The following LHFPL3 variants were observed in gnomAD, a reference collection of about 807,000 sequenced individuals.
The protein encoded by LHFPL3 is LHFPL tetraspan subfamily member 3 protein.
In LHFPL3, 5 loss-of-function variants were observed where a neutral mutation model predicts 19.3. The ratio of observed to expected loss-of-function variants is 0.26; its 90% CI spans 0.14 to 0.54. LHFPL3 has a LOEUF of 0.54. Among genes scored for constraint, LHFPL3 ranks in the 20% least tolerant of loss-of-function variants. The pLI is 0.94. For missense variants in LHFPL3, 249 were observed against 307.4 expected (o/e 0.81, Z 1.42); for synonymous variants, 133 against 126.2 (o/e 1.05, Z -0.36).
chr7:104,874,949 T>C (rs1472168475), intron 2 of LHFPL3, among the ~76,000 whole-genome samples: 1 of 151,868 alleles, frequency 6.6e-6, no homozygotes, highest in Non-Finnish European at 1.5e-5. Context: ...CAGGCTCAAG[T>C]GATCCTCCTG....
At chr7:104,845,507 T>C (rs1791297106) in intron 2 of LHFPL3, 1 of 1,488,648 alleles carries the variant, frequency 6.7e-7, no homozygotes, top group Non-Finnish European at 8.9e-7. Flanking sequence ...TTTTCTCCGC[T>C]GTTTTCTGAT....
chr7:104,643,262 G>C, intron 1 of LHFPL3, among the ~76,000 whole-genome samples: 1 of 152,094 alleles, frequency 6.6e-6, no homozygotes, highest in East Asian at 1.9e-4. Flanking sequence ...ATAAAAAAGG[G>C]ACATGGTAAA....
In LHFPL3 at chr7:104,604,362, A is replaced by T. The variant is rs142495994; in HGVS notation, c.446-132313A>T. Among the ~76,000 whole-genome samples the T allele has an allele frequency of 4.9e-3, 744 of 152,174 alleles. 6 individuals are homozygous for T. The highest frequency in any genetic ancestry group is 0.017 in the African/African-American group (700 of 41,526). ...AGGGCACCCTGGGCCTGTCCCCCAAAACTATTCTGCCCCGCTAGAGCTCTG... is the reference window on the plus strand; with the variant it reads ...AGGGCACCCTGGGCCTGTCCCCCAATACTATTCTGCCCCGCTAGAGCTCTG... On this transcript the variant is annotated intron_variant, in intron 1 of 2. Coordinates refer to ENST00000424859, the MANE Select transcript of LHFPL3 (RefSeq NM_199000.3).
At chr7:104,464,146 A>G (rs750999091) in intron 1 of LHFPL3, among the ~76,000 whole-genome samples, 30 of 152,228 alleles carry the variant, frequency 2.0e-4, no homozygotes, top group African/African-American at 6.8e-4. Context: ...CTGAAATCCA[A>G]TGGGGCAGTT....
At chr7:104,735,112 G>T (rs1038471607) in intron 1 of LHFPL3, among the ~76,000 whole-genome samples, 1 of 152,242 alleles carries the variant, frequency 6.6e-6, no homozygotes, top group African/African-American at 2.4e-5. Flanking sequence ...GCCATGTGAG[G>T]TGTCAGTCTG....
At chr7:104,412,788 G>A (rs1464194155) in intron 1 of LHFPL3, among the ~76,000 whole-genome samples, 1 of 152,016 alleles carries the variant, frequency 6.6e-6, no homozygotes, top group Non-Finnish European at 1.5e-5. Context: ...TTATCTCACA[G>A]ATCGTTGAGA....
At chr7:104,477,579 C>T (rs1388979194) in intron 1 of LHFPL3, among the ~76,000 whole-genome samples, 1 of 151,972 alleles carries the variant, frequency 6.6e-6, no homozygotes, top group African/African-American at 2.4e-5. Context: ...AGGGGAACAA[C>T]ACACACGGGC....
At chr7:104,554,159 G>A (rs1204534760) in intron 1 of LHFPL3, among the ~76,000 whole-genome samples, 1 of 152,020 alleles carries the variant, frequency 6.6e-6, no homozygotes, top group Non-Finnish European at 1.5e-5. Flanking sequence ...AATATTTTTG[G>A]TGGCAGGGCT....
At chr7:104,844,678 A>T (rs1407889449) in intron 2 of LHFPL3, among the ~76,000 whole-genome samples, 1 of 152,210 alleles carries the variant, frequency 6.6e-6, no homozygotes, top group Non-Finnish European at 1.5e-5. Context: ...TAACTCTTAG[A>T]TAATGCTTGG....
In LHFPL3 at chr7:104,668,187, C is replaced by T; in HGVS notation, c.446-68488C>T. The T allele has an allele frequency of 5.0e-6, 8 of 1,613,770 alleles. No homozygotes were observed. In the South Asian group the frequency reaches 8.8e-5, roughly 18 times the overall value. ...TTTTGGTTATGCTGAATTTGAGGAC[C>T]TGGATTCCCTGCTCAGTGCCCTGAG... On this transcript the variant is annotated intron_variant, in intron 1 of 2. Transcript: ENST00000424859.
At chr7:104,808,844 T>C (rs957023828) in intron 2 of LHFPL3, among the ~76,000 whole-genome samples, 2 of 151,956 alleles carry the variant, frequency 1.3e-5, no homozygotes, top group African/African-American at 2.4e-5. Flanking sequence ...TAATCACTGT[T>C]TGGTCCTTTT....
At chr7:104,595,367 C>T (rs986770017) in intron 1 of LHFPL3, among the ~76,000 whole-genome samples, 1 of 152,172 alleles carries the variant, frequency 6.6e-6, no homozygotes, top group Non-Finnish European at 1.5e-5. Flanking sequence ...GTATTACTAG[C>T]GGAAGCTGAA....
intron 2 of LHFPL3, among the ~76,000 whole-genome samples, chr7:104,837,771 G>T (rs148207353): frequency 4.6e-5 from 7 of 152,240 alleles, no homozygotes; most frequent in African/African-American, 1.7e-4. Context: ...TTTAAACTCA[G>T]TCTAACTCAA....
At position 104,907,353 on chromosome 7, in the gene LHFPL3, G is replaced by GA. The variant is rs1000595695; in HGVS notation, c.*1145dup. 2 of 151,930 alleles carry GA rather than the reference G, an allele frequency of 1.3e-5. No individual in the cohort carries two copies. The highest frequency in any genetic ancestry group is 2.1e-4 in the South Asian group (1 of 4,822). 9.4% of individuals were successfully genotyped at this position (151,930 alleles called of 1,614,324 possible). On this transcript the variant is annotated 3_prime_UTR_variant, in exon 3 of 3. Transcript: ENST00000424859. The stretch of plus-strand genomic sequence containing the variant: ...AAATGACTGTATACTTATACAGGTT[G>GA]AAAAAAACTCGGTAGGAATAAGTTA...
At chr7:104,666,429 TTGTCTTTTTGTGCC>T (rs1486158905) in intron 1 of LHFPL3, among the ~76,000 whole-genome samples, 1 of 151,744 alleles carries the variant, frequency 6.6e-6, no homozygotes, top group African/African-American at 2.4e-5. Context: ...CATGCAGTAT[TTGTCTTTTTGTGCC>T]TGTCTTACTT....
At chr7:104,811,984 A>G (rs1185519313) in intron 2 of LHFPL3, among the ~76,000 whole-genome samples, 2 of 152,240 alleles carry the variant, frequency 1.3e-5, no homozygotes, top group Non-Finnish European at 1.5e-5. Context: ...GTTAACCTGA[A>G]TGCAATAATA....
chr7:104,401,567 A>G (rs1791312396), intron 1 of LHFPL3, among the ~76,000 whole-genome samples: 1 of 152,232 alleles, frequency 6.6e-6, no homozygotes, highest in Admixed American at 6.5e-5. Context: ...ACTAAAGCAG[A>G]AATCCTAAAC....
At chr7:104,385,927 A>T (rs1440610911) in intron 1 of LHFPL3, among the ~76,000 whole-genome samples, 6 of 152,098 alleles carry the variant, frequency 3.9e-5, no homozygotes, top group Non-Finnish European at 7.4e-5. Context: ...CATAAAAGCA[A>T]TGAAAACATT....
At chr7:104,708,844 C>T (rs1793239066) in intron 1 of LHFPL3, among the ~76,000 whole-genome samples, 1 of 152,186 alleles carries the variant, frequency 6.6e-6, no homozygotes, top group Admixed American at 6.5e-5. Context: ...ACAGCAGTTA[C>T]ACTGGATACC....
Sources: allele counts gnomAD v4.1 joint callset (sites outside exome capture counted in the v4.1 genomes callset), GRCh38; gene constraint gnomAD v4.1.1; transcripts MANE v1.5; gene names NCBI Gene and HGNC (gene_info 2026-07-23, HGNC 2026-07-21).